Variants in CACNA1E observed in about 807,000 individuals in gnomAD.
The protein encoded by CACNA1E is voltage-dependent R-type calcium channel subunit alpha-1E.
CACNA1E carries 40 observed loss-of-function variants against 259.2 expected under a neutral mutation model. The ratio of observed to expected loss-of-function variants is 0.15; its 90% CI spans 0.12 to 0.20. The LOEUF (loss-of-function observed/expected upper bound fraction) is 0.20, where lower values mean the gene tolerates loss of function less well. Ranked by LOEUF, CACNA1E falls within the 10% of genes least tolerant of loss-of-function variation. The probability of loss-of-function intolerance (pLI) is 1.00; values close to 1 mark genes in which losing one functional copy is unlikely to be tolerated. For synonymous variants in CACNA1E, 1,104 were observed against 1,138.5 expected (o/e 0.97, Z 0.61); for missense variants, 1,874 against 3,040.1 (o/e 0.62, Z 9.02).
At chr1:181,617,130 T>G (rs1012718318) in intron 6 of CACNA1E, among the ~76,000 whole-genome samples, 12 of 152,330 alleles carry the variant, frequency 7.9e-5, no homozygotes, top group Non-Finnish European at 1.0e-4. Context: ...GAACCAATTT[T>G]TGGTTTTGTT....
chr1:181,679,888 CG>C (rs1232816983), intron 7 of CACNA1E, among the ~76,000 whole-genome samples: 1 of 151,886 alleles, frequency 6.6e-6, no homozygotes, highest in African/African-American at 2.4e-5. Context: ...GGAGGCTGAG[CG>C]GGGAGAATCA....
intron 1 of CACNA1E, among the ~76,000 whole-genome samples, chr1:181,388,765 C>T (rs1656041286): frequency 6.6e-6 from 1 of 152,014 alleles, no homozygotes; most frequent in Admixed American, 6.6e-5. Context: ...GTGGTGCATG[C>T]CTGTAATCCC....
chr1:181,743,596 T>C (rs1167658793), intron 25 of CACNA1E, among the ~76,000 whole-genome samples: 2 of 152,216 alleles, frequency 1.3e-5, no homozygotes, highest in East Asian at 1.9e-4. Flanking sequence ...ATGTGTTTCA[T>C]GTCTAGTGAA....
At chr1:181,642,534 T>C (rs1363272917) in intron 6 of CACNA1E, among the ~76,000 whole-genome samples, 1 of 152,160 alleles carries the variant, frequency 6.6e-6, no homozygotes. Context: ...TGTACTCTTT[T>C]GCGTTTCTGA....
chr1:181,637,353 A>C (rs922120154), intron 6 of CACNA1E, among the ~76,000 whole-genome samples: 1 of 152,070 alleles, frequency 6.6e-6, no homozygotes, highest in Non-Finnish European at 1.5e-5. Context: ...TGGGAAAAAA[A>C]ACACAAAACC....
chr1:181,778,116 T>G (rs1178210788), intron 38 of CACNA1E, among the ~76,000 whole-genome samples: 1 of 152,250 alleles, frequency 6.6e-6, no homozygotes, highest in Non-Finnish European at 1.5e-5. Context: ...TTCTGTGTGC[T>G]TTGTAATTCA....
intron 6 of CACNA1E, among the ~76,000 whole-genome samples, chr1:181,631,291 G>A (rs187041686): frequency 6.6e-6 from 1 of 152,326 alleles, no homozygotes; most frequent in East Asian, 1.9e-4. Context: ...GAGCTCTGAT[G>A]TTTCAGGTCC....
chr1:181,382,770 C>A (rs1655546542), intron 1 of CACNA1E, among the ~76,000 whole-genome samples: 1 of 152,200 alleles, frequency 6.6e-6, no homozygotes, highest in African/African-American at 2.4e-5. Flanking sequence ...CCTTTAAGGG[C>A]ATGGCTTGAC....
chr1:181,358,747 C>T (rs1043215747), intron 1 of CACNA1E, among the ~76,000 whole-genome samples: 1 of 152,178 alleles, frequency 6.6e-6, no homozygotes, highest in African/African-American at 2.4e-5. Flanking sequence ...CAATGTAAAG[C>T]AGGCTTCTAT....
intron 6 of CACNA1E, among the ~76,000 whole-genome samples, chr1:181,640,379 C>G (rs1657637170): frequency 6.6e-6 from 1 of 152,164 alleles, no homozygotes; most frequent in Admixed American, 6.5e-5. Flanking sequence ...GTCTTGGGTT[C>G]TGGAGATACA....
chr1:181,490,937 T>C (rs1368409367), intron 1 of CACNA1E, among the ~76,000 whole-genome samples: 2 of 152,222 alleles, frequency 1.3e-5, no homozygotes, highest in Non-Finnish European at 2.9e-5. Flanking sequence ...CGTGGCCTTC[T>C]GGATCCAGAG....
intron 27 of CACNA1E, 38 bp from the exon 28 acceptor site, chr1:181,755,199 C>CAG (rs749948841): frequency 8.4e-5 from 134 of 1,586,202 alleles, no homozygotes; most frequent in Non-Finnish European, 1.1e-4. Flanking sequence ...CAGACCATCA[C>CAG]AGGGTTCACA....
chr1:181,461,446 C>CA (rs1170382663), intron 2 of CACNA1E, among the ~76,000 whole-genome samples: 2 of 147,510 alleles, frequency 1.4e-5, no homozygotes, highest in African/African-American at 5.0e-5. Context: ...GAGGCTGAGG[C>CA]AGGAGAATGG....
intron 1 of CACNA1E, among the ~76,000 whole-genome samples, chr1:181,401,575 G>T (rs891482051): frequency 3.9e-5 from 6 of 152,156 alleles, no homozygotes; most frequent in Non-Finnish European, 8.8e-5. Flanking sequence ...GAGGAGATTG[G>T]CTAGTAAGGC....
intron 7 of CACNA1E, among the ~76,000 whole-genome samples, chr1:181,695,918 G>T (rs1651652249): frequency 6.6e-6 from 1 of 152,200 alleles, no homozygotes; most frequent in Non-Finnish European, 1.5e-5. Flanking sequence ...TTGCGCCACT[G>T]CACTCCAGCT....
Position 181,378,092 on chromosome 1 carries a change from G to T in CACNA1E, c.-14-35041G>T, listed in dbSNP as rs116354989. ...ATGGGTAAAAAGGGAGTAATTGATA[G>T]AACTTAGCACTAGACTTGTTGTGGG... On this transcript the variant is annotated intron_variant, in intron 1 of 11. Coordinates refer to the CACNA1E transcript ENST00000524607. Among the ~76,000 whole-genome samples the T allele has an allele frequency of 2.0e-3, 308 of 152,320 alleles. 3 individuals are homozygous for T. The highest frequency in any genetic ancestry group is 6.9e-3 in the African/African-American group (288 of 41,570).
intron 46 of CACNA1E, among the ~76,000 whole-genome samples, chr1:181,796,263 C>T (rs941682869): frequency 1.3e-5 from 2 of 152,096 alleles, no homozygotes; most frequent in African/African-American, 4.8e-5. Context: ...TATCTTTTTT[C>T]AGGCTGCTAC....
intron 7 of CACNA1E, among the ~76,000 whole-genome samples, chr1:181,656,607 T>C (rs986898094): frequency 1.3e-5 from 2 of 152,198 alleles, no homozygotes; most frequent in African/African-American, 4.8e-5. Context: ...TTTTAATAAA[T>C]TCAGTGTAGC....
At chr1:181,537,140 C>T (rs1173756661) in intron 3 of CACNA1E, among the ~76,000 whole-genome samples, 1 of 126,422 alleles carries the variant, frequency 7.9e-6, no homozygotes, top group East Asian at 2.3e-4. Flanking sequence ...GCTCTTGTTG[C>T]CCAGGCTGGA....
Sources: gnomAD v4.1 joint callset for allele counts (sites outside exome capture counted in the v4.1 genomes callset) on GRCh38, gnomAD v4.1.1 for gene constraint, MANE v1.5 for transcripts, NCBI Gene and HGNC (gene_info 2026-07-23, HGNC 2026-07-21) for gene names.